LRFN5: variants seen among roughly 807,000 people sequenced by gnomAD.
LRFN5 encodes the protein leucine rich repeat and fibronectin type III domain containing 5.
A neutral mutation model predicts 45.6 loss-of-function variants in LRFN5; 24 were observed. The observed-to-expected ratio is 0.53, with a 90% CI of 0.38 to 0.74. The LOEUF (loss-of-function observed/expected upper bound fraction) is 0.74. Among genes scored for constraint, LRFN5 ranks in the 30% least tolerant of loss-of-function variants. The pLI, the probability that LRFN5 is intolerant of heterozygous loss-of-function variation, is 0.00. For missense variants in LRFN5, 776 were observed against 861.5 expected (o/e 0.90, Z 1.24); for synonymous variants, 340 against 313.8 (o/e 1.08, Z -0.88).
At chr14:41,898,788 A>C in intron 4 of LRFN5, 129 bp from the exon 5 acceptor site, 1 of 879,764 alleles carries the variant, frequency 1.1e-6, no homozygotes, top group Non-Finnish European at 1.7e-6. Flanking sequence ...AGTTTTTTAA[A>C]AAAAATCTTT....
intron 1 of LRFN5, among the ~76,000 whole-genome samples, chr14:41,680,335 G>A (rs1881829547): frequency 6.6e-6 from 1 of 152,164 alleles, no homozygotes; most frequent in Non-Finnish European, 1.5e-5. Context: ...ATGGCTTCAG[G>A]TCTGACCCAG....
At chr14:41,724,674 T>C (rs1883856032) in intron 1 of LRFN5, among the ~76,000 whole-genome samples, 1 of 152,146 alleles carries the variant, frequency 6.6e-6, no homozygotes, top group Admixed American at 6.5e-5. Flanking sequence ...TTTTCAAGAA[T>C]GTGTTATGAC....
Position 41,632,693 on chromosome 14 carries a change from T to A in LRFN5, c.-197+24131T>A, listed in dbSNP as rs1264460230. Among the ~76,000 whole-genome samples, 3 of 152,268 alleles carry A rather than the reference T, an allele frequency of 2.0e-5. No individual in the cohort carries two copies. The East Asian group carries it at 5.8e-4, about 29-fold the overall frequency. On this transcript the variant is annotated intron_variant, in intron 1 of 5. Transcript: ENST00000298119. Reference sequence around the variant, plus strand: ...AGAGAGTTTGAGTTATAAGAAAATATTGTATGTGTCAATCTTCCTGTAGTC... The same window carrying A: ...AGAGAGTTTGAGTTATAAGAAAATAATGTATGTGTCAATCTTCCTGTAGTC...
At chr14:41,721,079 A>G (rs749821191) in intron 1 of LRFN5, among the ~76,000 whole-genome samples, 1 of 152,126 alleles carries the variant, frequency 6.6e-6, no homozygotes, top group Non-Finnish European at 1.5e-5. Context: ...GTGGGTGCAT[A>G]TATATTTAGA....
chr14:41,689,100 T>TAATAATAATA (rs772361056), intron 1 of LRFN5, among the ~76,000 whole-genome samples: 25 of 77,368 alleles, frequency 3.2e-4, no homozygotes, highest in African/African-American at 1.4e-3. Context: ...ATCTCTAAAA[T>TAATAATAATA]AATAATAATA....
rs1307080709 is a variant in LRFN5 at position 41,750,726 on chromosome 14, G to A, written c.-196-16128G>A. 2.0e-5 allele frequency among the ~76,000 whole-genome samples: 3 copies of A among 152,006 alleles called. No individual in the cohort carries two copies. In the East Asian group the frequency reaches 5.8e-4, roughly 29 times the overall value. Reference sequence around the variant, plus strand: ...GACAGAGTTTTGCATTGCTGGGGAGGCCTCAGAAAACTTAAAATCCTGGAG... The same window carrying A: ...GACAGAGTTTTGCATTGCTGGGGAGACCTCAGAAAACTTAAAATCCTGGAG... On this transcript the variant is annotated intron_variant, in intron 1 of 5. Transcript: ENST00000298119.
intron 1 of LRFN5, among the ~76,000 whole-genome samples, chr14:41,677,932 T>C (rs968759948): frequency 1.2e-4 from 18 of 152,024 alleles, no homozygotes; most frequent in African/African-American, 4.3e-4. Context: ...CAAATGGCAA[T>C]ATAAACGCAA....
chr14:41,844,864 A>T (rs1368231116), intron 2 of LRFN5, among the ~76,000 whole-genome samples: 1 of 152,156 alleles, frequency 6.6e-6, no homozygotes, highest in Non-Finnish European at 1.5e-5. Context: ...GTTAAACAAG[A>T]GATTAAATTA....
chr14:41,870,146 C>T (rs1479817802), intron 2 of LRFN5, among the ~76,000 whole-genome samples: 1 of 151,994 alleles, frequency 6.6e-6, no homozygotes, highest in Non-Finnish European at 1.5e-5. Flanking sequence ...GGAGGCTTAA[C>T]TAGGGAAGAA....
At chr14:41,808,952 T>C (rs567126820) in intron 2 of LRFN5, among the ~76,000 whole-genome samples, 6 of 152,218 alleles carry the variant, frequency 3.9e-5, no homozygotes, top group African/African-American at 1.4e-4. Flanking sequence ...TTATTCATTC[T>C]AAAACACAAA....
chr14:41,657,101 T>C (rs1880414678), intron 1 of LRFN5, among the ~76,000 whole-genome samples: 1 of 151,912 alleles, frequency 6.6e-6, no homozygotes, highest in Non-Finnish European at 1.5e-5. Flanking sequence ...AGAAATGAAA[T>C]ACATCTTTGT....
At chr14:41,823,549 A>C (rs1209496908) in intron 2 of LRFN5, among the ~76,000 whole-genome samples, 1 of 152,092 alleles carries the variant, frequency 6.6e-6, no homozygotes, top group Admixed American at 6.6e-5. Context: ...AGGTAATTAC[A>C]TCCTCATGTG....
In LRFN5 at chr14:41,706,710, C is replaced by T. The variant is rs115843802; in HGVS notation, c.-196-60144C>T. Among the ~76,000 whole-genome samples the T allele has an allele frequency of 3.1e-3, 473 of 152,086 alleles. 2 individuals carry two copies. Among genetic ancestry groups the T allele is most frequent in the African/African-American group, 0.011 (450 of 41,492 alleles). On this transcript the variant is annotated intron_variant, in intron 1 of 5. Coordinates refer to ENST00000298119, the MANE Select transcript of LRFN5 (RefSeq NM_152447.5). ...TATTGAGCATCTTTTTATGTGTTTG[C>T]GGGCTTTTGTTTTGCTTTCATATGA...
intron 2 of LRFN5, among the ~76,000 whole-genome samples, chr14:41,807,435 A>G (rs1486720741): frequency 6.6e-6 from 1 of 152,172 alleles, no homozygotes; most frequent in Non-Finnish European, 1.5e-5. Flanking sequence ...TACACTTTTA[A>G]TAAAGTAAAC....
chr14:41,772,631 C>T (rs755449456), intron 2 of LRFN5, among the ~76,000 whole-genome samples: 4 of 152,176 alleles, frequency 2.6e-5, no homozygotes, highest in Non-Finnish European at 2.9e-5. Flanking sequence ...ATTTGTATAG[C>T]ACAGACCTTG....
At chr14:41,786,291 A>C (rs562142243) in intron 2 of LRFN5, among the ~76,000 whole-genome samples, 6 of 152,206 alleles carry the variant, frequency 3.9e-5, no homozygotes, top group Non-Finnish European at 7.4e-5. Context: ...TTCTTTTAGC[A>C]TTTCCAGTAG....
At chr14:41,701,079 T>C (rs1882822431) in intron 1 of LRFN5, 1 of 152,162 alleles carries the variant, frequency 6.6e-6, no homozygotes, top group Admixed American at 6.6e-5. Flanking sequence ...TGGTAACATA[T>C]CTGATTGAGT....
At chr14:41,689,520 A>G (rs1279598858) in intron 1 of LRFN5, among the ~76,000 whole-genome samples, 1 of 152,226 alleles carries the variant, frequency 6.6e-6, no homozygotes, top group Non-Finnish European at 1.5e-5. Flanking sequence ...ATTCCTAGAA[A>G]GACAAAAATT....
intron 4 of LRFN5, among the ~76,000 whole-genome samples, chr14:41,896,164 T>C (rs1214776074): frequency 6.6e-6 from 1 of 152,202 alleles, no homozygotes; most frequent in African/African-American, 2.4e-5. Flanking sequence ...TATAAGATTT[T>C]TTAAAATTCC....
Sources: allele counts gnomAD v4.1 joint callset (sites outside exome capture counted in the v4.1 genomes callset), GRCh38; gene constraint gnomAD v4.1.1; transcripts MANE v1.5; gene names NCBI Gene and HGNC (gene_info 2026-07-23, HGNC 2026-07-21).